CRAMP1: variants seen among roughly 807,000 people sequenced by gnomAD.
CRAMP1 encodes the protein cramped chromatin regulator 1.
In CRAMP1, 50 loss-of-function variants were observed where a neutral mutation model predicts 115.4. The ratio of observed to expected loss-of-function variants is 0.43; its 90% confidence interval spans 0.35 to 0.55. CRAMP1 has a LOEUF of 0.55. Ranked by LOEUF, CRAMP1 falls within the 20% of genes least tolerant of loss-of-function variation. The pLI is 0.01. For missense variants in CRAMP1, 1,679 were observed against 1,721.7 expected (o/e 0.98, Z 0.44); for synonymous variants, 866 against 745.4 (o/e 1.16, Z -2.64).
At position 1,677,165 on chromosome 16, in the gene CRAMP1, G is replaced by C. The variant is rs2036976840; in HGVS notation, c.*3120G>C. 2 of 152,562 alleles carry C rather than the reference G, an allele frequency of 1.3e-5. No individual in the cohort carries two copies. Among genetic ancestry groups the C allele is most frequent in the Non-Finnish European group, 2.9e-5 (2 of 68,092 alleles). The allele number at this position is 152,562 out of a possible 1,614,324, so 9.5% of individuals were successfully genotyped here. A position where few individuals can be genotyped will look rare whatever the true frequency, so the allele number is the denominator to read the frequency against. ...TCTTAAGAAAACAAGGAAGGAGGCCGGGCGCAGTGGCTCACGCCTGTAATC... is the reference window on the plus strand; with the variant it reads ...TCTTAAGAAAACAAGGAAGGAGGCCCGGCGCAGTGGCTCACGCCTGTAATC... On this transcript the variant is annotated 3_prime_UTR_variant, in exon 21 of 21. Coordinates refer to ENST00000397412, the MANE Select transcript of CRAMP1 (RefSeq NM_020825.4).
intron 20 of CRAMP1, 28 bp downstream of exon 20, chr16:1,670,837 C>G: frequency 6.2e-7 from 1 of 1,610,372 alleles, no homozygotes; most frequent in Non-Finnish European, 8.5e-7. Flanking sequence ...ACAGCTGCAC[C>G]TGACCACCAA....
intron 4 of CRAMP1, among the ~76,000 whole-genome samples, chr16:1,636,261 C>G (rs2036587792): frequency 1.3e-5 from 2 of 152,038 alleles, no homozygotes; most frequent in East Asian, 1.9e-4. Flanking sequence ...ATCCCAGCTA[C>G]TTGGGAGGCT....
At chr16:1,665,422 GCT>G (rs1323063558) in intron 14 of CRAMP1, among the ~76,000 whole-genome samples, 7 of 152,180 alleles carry the variant, frequency 4.6e-5, no homozygotes, top group Admixed American at 1.3e-4. Context: ...TCTCTTGTCT[GCT>G]CTCTCTGTGT....
chr16:1,630,659 C>T (rs954524565), intron 3 of CRAMP1, among the ~76,000 whole-genome samples: 3 of 152,218 alleles, frequency 2.0e-5, no homozygotes, highest in Admixed American at 1.3e-4. Flanking sequence ...CGCTGCGCCG[C>T]ACTCGGCTGC....
At chr16:1,668,230 C>A (rs2036893199) in intron 18 of CRAMP1, 37 bp downstream of exon 18, 1 of 1,431,714 alleles carries the variant, frequency 7.0e-7, no homozygotes, top group Non-Finnish European at 9.8e-7. Flanking sequence ...TTCCTGTCAT[C>A]AGGTGTTGAT....
intron 17 of CRAMP1, 50 bp downstream of exon 17, chr16:1,667,450 C>G: frequency 1.4e-6 from 2 of 1,450,742 alleles, no homozygotes; most frequent in Non-Finnish European, 1.9e-6. Context: ...CCAGGACTCC[C>G]TCCAGTGCCC....
In CRAMP1 at chr16:1,667,359, C is replaced by T; in HGVS notation, c.3061C>T (p.Pro1021Ser). Residue 1021 changes from proline to serine, a missense_variant, in exon 17 of 21, where the codon CCT becomes TCT. By Grantham distance (74) the Pro-to-Ser change is moderately conservative. Coordinates refer to ENST00000397412, the MANE Select transcript of CRAMP1 (RefSeq NM_020825.4). ...VGGSDPFVSI[P>S]SRPEQEPVAD... ...GGGCTCCGACCCATTTGTCAGCATC[C>T]CTTCGAGGCCTGAGCAGGAGCCAGT... 6.2e-7 allele frequency: 1 copy of T among 1,613,236 alleles called. No individual in the cohort carries two copies. The highest frequency in any genetic ancestry group is 8.5e-7 in the Non-Finnish European group (1 of 1,179,818).
intron 4 of CRAMP1, among the ~76,000 whole-genome samples, chr16:1,636,431 C>G: frequency 6.6e-6 from 1 of 152,090 alleles, no homozygotes; most frequent in African/African-American, 2.4e-5. Context: ...GGTCTTAGGT[C>G]TTTCTCTCAG....
At chr16:1,632,014 T>C (rs2036551232) in intron 3 of CRAMP1, among the ~76,000 whole-genome samples, 198 bp from the exon 4 acceptor site, 2 of 152,318 alleles carry the variant, frequency 1.3e-5, no homozygotes, top group South Asian at 4.1e-4. Context: ...GTTCCATTGC[T>C]CCTTTATCCT....
intron 4 of CRAMP1, among the ~76,000 whole-genome samples, chr16:1,636,497 A>G (rs1357812010): frequency 6.6e-6 from 1 of 152,240 alleles, no homozygotes; most frequent in Non-Finnish European, 1.5e-5. Flanking sequence ...CCCATGGTCC[A>G]GAATCCTCCT....
intron 3 of CRAMP1, among the ~76,000 whole-genome samples, chr16:1,631,989 A>G (rs1050192578): frequency 7.9e-5 from 12 of 152,082 alleles, no homozygotes; most frequent in African/African-American, 2.9e-4. Context: ...ATGTGCTCTG[A>G]TGGTTCTGTT....
chr16:1,619,018 C>T (rs949986560), intron 2 of CRAMP1, among the ~76,000 whole-genome samples: 1 of 152,180 alleles, frequency 6.6e-6, no homozygotes, highest in African/African-American at 2.4e-5. Flanking sequence ...ATGAGGTAGA[C>T]TTTTCGATTT....
intron 3 of CRAMP1, among the ~76,000 whole-genome samples, chr16:1,626,865 C>G (rs1186753558): frequency 6.6e-6 from 1 of 152,068 alleles, no homozygotes; most frequent in Non-Finnish European, 1.5e-5. Context: ...TTTGTAAAAA[C>G]ATCATATTGG....
intron 2 of CRAMP1, chr16:1,620,778 C>G: frequency 2.2e-6 from 1 of 445,776 alleles, no homozygotes; most frequent in Non-Finnish European, 4.6e-6. Context: ...TCCTCCAGCT[C>G]TGTGACAGGA....
chr16:1,618,143 G>T (rs913673183), intron 2 of CRAMP1, among the ~76,000 whole-genome samples: 4 of 152,196 alleles, frequency 2.6e-5, no homozygotes, highest in Non-Finnish European at 4.4e-5. Flanking sequence ...GATCCAGCTA[G>T]CCCTGGGCAA....
rs759058105 is a variant in CRAMP1 at position 1,656,243 on chromosome 16, G to A, written c.1486G>A (p.Gly496Arg). The change falls in exon 10 of 21, where the codon GGG becomes AGG. Residue 496 changes from glycine to arginine, a missense_variant. Around this residue, in one of 8 missense-constraint regions of CRAMP1, gnomAD observed 405 missense variants for 302.6 expected, o/e 1.34. Transcript: ENST00000397412. This position sits in a 1 kb window ranked among gnomAD's most constrained non-coding sequence, Gnocchi z 5.6. ...AGAGAGTTCCCCCGAAAGCGCCCCC[G>A]GGGAGGGGGCTGCCCTAAGCTTGAG... ...SGESSPESAP[G>R]EGAALSLSSP... 43 of 1,609,226 alleles carry A rather than the reference G, an allele frequency of 2.7e-5. 1 individual carries two copies. In the South Asian group the frequency reaches 3.0e-4, roughly 11 times the overall value.
At chr16:1,640,270 A>T (rs1221156306) in intron 5 of CRAMP1, among the ~76,000 whole-genome samples, 1 of 152,150 alleles carries the variant, frequency 6.6e-6, no homozygotes, top group Non-Finnish European at 1.5e-5. Context: ...TATTTGCCGG[A>T]TAGAGAATTC....
chr16:1,622,466 C>T (rs1465092774), intron 2 of CRAMP1, among the ~76,000 whole-genome samples: 2 of 152,212 alleles, frequency 1.3e-5, no homozygotes, highest in East Asian at 1.9e-4. Context: ...GCCAGGATTG[C>T]ACCACTGCAC....
Position 1,614,707 on chromosome 16 carries a change from C to T in CRAMP1, c.68C>T (p.Ala23Val), listed in dbSNP as rs2036401444. 1 of 1,345,568 alleles carries T rather than the reference C, an allele frequency of 7.4e-7. No homozygotes were observed. Among genetic ancestry groups the T allele is most frequent in the Admixed American group, 3.0e-5 (1 of 33,420 alleles). The allele number at this position is 1,345,568 out of a possible 1,614,324, so 83.4% of individuals were successfully genotyped here. A position where few individuals can be genotyped will look rare whatever the true frequency, so the allele number is the denominator to read the frequency against. ...DGLKKLGKRA[A>V]DEESLEGEGA... ...CTCAAGAAGCTGGGCAAGCGGGCGGCCGATGAGGAGTCCCTGGAAGGAGAA... is the reference window on the plus strand; with the variant it reads ...CTCAAGAAGCTGGGCAAGCGGGCGGTCGATGAGGAGTCCCTGGAAGGAGAA... The change falls in exon 2 of 21, where the codon GCC becomes GTC. Residue 23 changes from alanine (A) to valine (V), a missense_variant. Transcript: ENST00000397412. This position sits in a 1 kb window ranked among gnomAD's most constrained non-coding sequence, Gnocchi z 4.4.
Sources: gnomAD v4.1 joint callset for allele counts (sites outside exome capture counted in the v4.1 genomes callset) on GRCh38, gnomAD v4.1.1 for gene constraint, gnomAD v4.1.1 regional missense constraint, Gnocchi (gnomAD v3.1) non-coding constraint, MANE v1.5 for transcripts, NCBI Gene and HGNC (gene_info 2026-07-23, HGNC 2026-07-21) for gene names.